FAM83B: variants seen among roughly 807,000 people sequenced by gnomAD.
FAM83B encodes protein FAM83B.
A neutral mutation model predicts 38.8 loss-of-function variants in FAM83B; 26 were observed. The ratio of observed to expected loss-of-function variants is 0.67; its 90% confidence interval spans 0.49 to 0.93. The LOEUF (loss-of-function observed/expected upper bound fraction) is 0.93. FAM83B is among the 40% of genes least tolerant of loss of function. FAM83B has a pLI of 0.00. For synonymous variants in FAM83B, 419 were observed against 423.1 expected (o/e 0.99, Z 0.12); for missense variants, 1,237 against 1,197.3 (o/e 1.03, Z -0.49).
chr6:54,913,631 C>A (rs766496111), intron 2 of FAM83B, among the ~76,000 whole-genome samples: 1 of 149,672 alleles, frequency 6.7e-6, no homozygotes, highest in Non-Finnish European at 1.5e-5. Context: ...ATGTTATATA[C>A]GAGTTAAAGA....
At chr6:54,860,983 T>C (rs1407285419) in intron 1 of FAM83B, among the ~76,000 whole-genome samples, 1 of 152,316 alleles carries the variant, frequency 6.6e-6, no homozygotes, top group Admixed American at 6.5e-5. Context: ...TTGTTCATGT[T>C]ATGGTCTTGA....
intron 4 of FAM83B, among the ~76,000 whole-genome samples, chr6:54,935,014 C>G (rs1326996609): frequency 6.6e-6 from 1 of 152,070 alleles, no homozygotes; most frequent in African/African-American, 2.4e-5. Flanking sequence ...TCCCTTTTCC[C>G]TTTGCTATCT....
intron 1 of FAM83B, among the ~76,000 whole-genome samples, chr6:54,864,908 C>T (rs1771665067): frequency 6.6e-6 from 1 of 152,062 alleles, no homozygotes; most frequent in African/African-American, 2.4e-5. Context: ...TTTTTTCCCT[C>T]AATATATGAG....
chr6:54,870,198 C>T lies in FAM83B; in HGVS notation c.-49C>T, dbSNP rs767250037. 2.8e-6 allele frequency: 4 copies of T among 1,404,338 alleles called. No individual in the cohort carries two copies. The East Asian group carries it at 9.2e-5, about 32-fold the overall frequency. The allele number at this position is 1,404,338 out of a possible 1,614,324, so 87.0% of individuals were successfully genotyped here. ...TTTTCAAATACCAGATACTTCTCAC[C>T]ACTGCATGAATGGACATTTGAAAGT... On this transcript the variant is annotated 5_prime_UTR_variant, in exon 2 of 5. Coordinates refer to ENST00000306858, the MANE Select transcript of FAM83B (RefSeq NM_001010872.3).
chr6:54,912,564 A>G (rs925720782), intron 2 of FAM83B, among the ~76,000 whole-genome samples: 1 of 151,732 alleles, frequency 6.6e-6, no homozygotes, highest in African/African-American at 2.4e-5. Context: ...TATAATTTGA[A>G]CTATATATTA....
intron 2 of FAM83B, among the ~76,000 whole-genome samples, chr6:54,893,593 G>C (rs1326974761): frequency 6.6e-6 from 1 of 152,048 alleles, no homozygotes; most frequent in Non-Finnish European, 1.5e-5. Flanking sequence ...TGATTATGCT[G>C]TATGTCCAAC....
intron 4 of FAM83B, among the ~76,000 whole-genome samples, chr6:54,929,627 G>C (rs1773379338): frequency 6.6e-6 from 1 of 151,924 alleles, no homozygotes. Context: ...AAGACAAATT[G>C]GCTGAAGTTG....
Position 54,942,046 on chromosome 6 carries a change from T to A in FAM83B, c.*39T>A, listed in dbSNP as rs1435401425. 3 of 1,549,362 alleles carry A rather than the reference T, an allele frequency of 1.9e-6. No homozygotes were observed. The highest frequency in any genetic ancestry group is 2.6e-6 in the Non-Finnish European group (3 of 1,151,360). Reference sequence around the variant, plus strand: ...AAATGAATGAGGCTATCAATATTTGTCCAAAGAAAATTGTGGACAGTCTTT... The same window carrying A: ...AAATGAATGAGGCTATCAATATTTGACCAAAGAAAATTGTGGACAGTCTTT... On this transcript the variant is annotated 3_prime_UTR_variant, in exon 5 of 5. Coordinates refer to ENST00000306858, the MANE Select transcript of FAM83B (RefSeq NM_001010872.3).
intron 2 of FAM83B, among the ~76,000 whole-genome samples, chr6:54,920,377 T>C (rs891695855): frequency 5.3e-5 from 8 of 151,686 alleles, no homozygotes; most frequent in Admixed American, 2.0e-4. Flanking sequence ...TTTCTTCTGC[T>C]GAAAAAAATA....
chr6:54,928,603 C>A (rs1773358508), intron 4 of FAM83B, among the ~76,000 whole-genome samples: 1 of 152,092 alleles, frequency 6.6e-6, no homozygotes, highest in African/African-American at 2.4e-5. Flanking sequence ...CAAATGAAAA[C>A]ATATTAACAG....
intron 4 of FAM83B, among the ~76,000 whole-genome samples, chr6:54,932,707 T>C (rs1361202410): frequency 6.6e-6 from 1 of 152,186 alleles, no homozygotes. Context: ...TAATTTCTCC[T>C]TCCTTTTGAA....
At chr6:54,915,180 G>T (rs1433230918) in intron 2 of FAM83B, among the ~76,000 whole-genome samples, 1 of 151,862 alleles carries the variant, frequency 6.6e-6, no homozygotes, top group Non-Finnish European at 1.5e-5. Flanking sequence ...TGGATGAATG[G>T]CAGGTAGATT....
intron 2 of FAM83B, among the ~76,000 whole-genome samples, chr6:54,882,045 A>G (rs1772143332): frequency 6.6e-6 from 1 of 152,172 alleles, no homozygotes; most frequent in African/African-American, 2.4e-5. Context: ...TAGTTTGCTG[A>G]GAATGATGGT....
At chr6:54,870,101 T>G in intron 1 of FAM83B, 86 bp from the exon 2 acceptor site, 1 of 625,512 alleles carries the variant, frequency 1.6e-6, no homozygotes. Context: ...AATGTGTAAA[T>G]GAAAAAATAA....
At chr6:54,922,808 G>T (rs1419728386) in intron 2 of FAM83B, among the ~76,000 whole-genome samples, 2 of 151,852 alleles carry the variant, frequency 1.3e-5, no homozygotes, top group Non-Finnish European at 2.9e-5. Flanking sequence ...ATCTTCTAAG[G>T]TATTCACAAT....
Position 54,942,028 on chromosome 6 carries a change from T to A in FAM83B, c.*21T>A. The A allele has an allele frequency of 6.4e-7, 1 of 1,573,864 alleles. No homozygotes were observed. Among genetic ancestry groups the A allele is most frequent in the South Asian group, 1.2e-5 (1 of 83,386 alleles). Reference sequence around the variant, plus strand: ...AATAGCTATTAAAATGCAAAATGAATGAGGCTATCAATATTTGTCCAAAGA... The same window carrying A: ...AATAGCTATTAAAATGCAAAATGAAAGAGGCTATCAATATTTGTCCAAAGA... On this transcript the variant is annotated 3_prime_UTR_variant, in exon 5 of 5. Transcript: ENST00000306858.
rs879270187 is a variant in FAM83B, at chr6:54,944,654, T to C, written c.*2647T>C. The C allele has an allele frequency of 6.6e-6, 1 of 152,192 alleles. No homozygotes were observed. The highest frequency in any genetic ancestry group is 1.5e-5 in the Non-Finnish European group (1 of 68,040). The allele number at this position is 152,192 out of a possible 1,614,324, so 9.4% of individuals were successfully genotyped here. A position where few individuals can be genotyped will look rare whatever the true frequency, so the allele number is the denominator to read the frequency against. ...GTTTAATTCTGGATGAATTCAGCTT[T>C]ACTCAAGATCCACATATTCAAGTAT... On this transcript the variant is annotated 3_prime_UTR_variant, in exon 5 of 5. Coordinates refer to ENST00000306858, the MANE Select transcript of FAM83B (RefSeq NM_001010872.3).
At chr6:54,932,638 G>A (rs1773448691) in intron 4 of FAM83B, among the ~76,000 whole-genome samples, 1 of 151,016 alleles carries the variant, frequency 6.6e-6, no homozygotes, top group Non-Finnish European at 1.5e-5. Flanking sequence ...ATTCACTTTA[G>A]CATTTTGTGT....
At chr6:54,894,772 A>C (rs1227358345) in intron 2 of FAM83B, among the ~76,000 whole-genome samples, 1 of 148,444 alleles carries the variant, frequency 6.7e-6, no homozygotes, top group Non-Finnish European at 1.5e-5. Context: ...TTCTTTGGTC[A>C]GAAAACTTAG....
Sources: allele counts gnomAD v4.1 joint callset (sites outside exome capture counted in the v4.1 genomes callset), GRCh38; gene constraint gnomAD v4.1.1; transcripts MANE v1.5; gene names NCBI Gene and HGNC (gene_info 2026-07-23, HGNC 2026-07-21).